The following ZNF423 variants were observed in gnomAD, a reference collection of about 807,000 sequenced individuals.
The protein encoded by ZNF423 is Ebf-associated zinc finger protein.
In ZNF423, 12 loss-of-function variants were observed where a neutral mutation model predicts 95.8. The observed-to-expected ratio is 0.13, with a 90% confidence interval of 0.08 to 0.20. The LOEUF is 0.20. ZNF423 is among the 10% of genes least tolerant of loss of function. ZNF423 has a pLI of 1.00. For synonymous variants in ZNF423, 749 were observed against 711.9 expected (o/e 1.05, Z -0.83); for missense variants, 1,316 against 1,737.1 (o/e 0.76, Z 4.31).
At chr16:49,598,589 C>A (rs1296224017) in intron 5 of ZNF423, among the ~76,000 whole-genome samples, 11 of 152,206 alleles carry the variant, frequency 7.2e-5, no homozygotes, top group Admixed American at 6.5e-4. Flanking sequence ...AGCACGCGCA[C>A]TGGGGACAAA....
intron 3 of ZNF423, among the ~76,000 whole-genome samples, chr16:49,682,595 GAGT>G (rs1013816747): frequency 3.3e-5 from 5 of 152,192 alleles, no homozygotes; most frequent in Admixed American, 2.6e-4. Flanking sequence ...ATGCCGCCCC[GAGT>G]ATGACAGGAG....
chr16:49,502,862 C>T (rs1322143025), intron 7 of ZNF423, among the ~76,000 whole-genome samples: 1 of 140,986 alleles, frequency 7.1e-6, no homozygotes, highest in Non-Finnish European at 1.5e-5. Flanking sequence ...CGGATACCCC[C>T]CAATCCCATG....
chr16:49,736,698 A>T (rs954510665), intron 2 of ZNF423, among the ~76,000 whole-genome samples: 4 of 152,158 alleles, frequency 2.6e-5, no homozygotes, highest in African/African-American at 9.7e-5. Flanking sequence ...GAGAGGCTGA[A>T]GCAGGAGGAT....
chr16:49,809,695 G>T (rs67286823), intron 1 of ZNF423, among the ~76,000 whole-genome samples: 1 of 152,158 alleles, frequency 6.6e-6, no homozygotes, highest in African/African-American at 2.4e-5. Context: ...GGGGACCCCC[G>T]GGTGGGTTAG....
intron 5 of ZNF423, among the ~76,000 whole-genome samples, chr16:49,538,418 C>T (rs893930486): frequency 1.3e-5 from 2 of 152,200 alleles, no homozygotes; most frequent in East Asian, 1.9e-4. Flanking sequence ...AGACACCTGG[C>T]AATTCACCCT....
chr16:49,550,166 C>A (rs944032176), intron 5 of ZNF423, among the ~76,000 whole-genome samples: 14 of 152,186 alleles, frequency 9.2e-5, no homozygotes, highest in Non-Finnish European at 2.1e-4. Flanking sequence ...CTGAGCCCAG[C>A]CTCAAATTGT....
At position 49,558,925 on chromosome 16, in the gene ZNF423, T is replaced by C. The variant is rs112179327; in HGVS notation, c.3602-33431A>G. Among the ~76,000 whole-genome samples the C allele has an allele frequency of 1.5e-3, 228 of 152,252 alleles. 2 individuals carry two copies. Among genetic ancestry groups the C allele is most frequent in the African/African-American group, 5.2e-3 (217 of 41,558 alleles). ...GGTCCCACCTGGAGGGGCCCAGCAA[T>C]GACATCAGAACCACTCAGTAAGGGG... On this transcript the variant is annotated intron_variant, in intron 5 of 7. Transcript: ENST00000563137.
At chr16:49,720,161 T>A (rs1238732418) in intron 3 of ZNF423, among the ~76,000 whole-genome samples, 2 of 151,852 alleles carry the variant, frequency 1.3e-5, no homozygotes, top group Non-Finnish European at 2.9e-5. Context: ...ACACCCAAGG[T>A]GGGGGCACAA....
chr16:49,612,942 A>G (rs1257594696), intron 5 of ZNF423, among the ~76,000 whole-genome samples: 1 of 152,126 alleles, frequency 6.6e-6, no homozygotes, highest in East Asian at 1.9e-4. Context: ...AAAAATTAAA[A>G]TAATTAGATA....
chr16:49,547,663 C>T (rs779390259), intron 5 of ZNF423, among the ~76,000 whole-genome samples: 5 of 152,194 alleles, frequency 3.3e-5, no homozygotes, highest in South Asian at 2.1e-4. Context: ...GAGGGTGGCA[C>T]GCTCCTTCCA....
At chr16:49,565,415 C>T (rs1970157358) in intron 5 of ZNF423, among the ~76,000 whole-genome samples, 1 of 152,222 alleles carries the variant, frequency 6.6e-6, no homozygotes, top group Admixed American at 6.5e-5. Flanking sequence ...CAAAAGGCTT[C>T]TTCAAAAGCT....
chr16:49,697,377 C>G (rs575487660), intron 3 of ZNF423, among the ~76,000 whole-genome samples: 1 of 152,130 alleles, frequency 6.6e-6, no homozygotes, highest in Non-Finnish European at 1.5e-5. Context: ...TGGCTTATCA[C>G]ATCACCTTCT....
Position 49,603,454 on chromosome 16 carries a change from G to A in ZNF423, c.3601+22716C>T, listed in dbSNP as rs926268950. ...GACGAAGTCTCACTCTTGTCCCCCCGGCTGGAGTGCAGTGGTGTGATCTCA... is the reference window on the plus strand; with the variant it reads ...GACGAAGTCTCACTCTTGTCCCCCCAGCTGGAGTGCAGTGGTGTGATCTCA... On this transcript the variant is annotated intron_variant, in intron 5 of 7. Coordinates refer to ENST00000563137, the MANE Select transcript of ZNF423 (RefSeq NM_001379286.1). This position sits in a 1 kb window ranked among gnomAD's most constrained non-coding sequence, Gnocchi z 4.1. 6.6e-6 allele frequency among the ~76,000 whole-genome samples: 1 copy of A among 152,006 alleles called. No homozygotes were observed. Among genetic ancestry groups the A allele is most frequent in the Non-Finnish European group, 1.5e-5 (1 of 68,004 alleles).
chr16:49,616,522 A>G (rs1424590607), intron 5 of ZNF423, among the ~76,000 whole-genome samples: 1 of 152,172 alleles, frequency 6.6e-6, no homozygotes, highest in Non-Finnish European at 1.5e-5. Flanking sequence ...GCTTCAGGTG[A>G]TAGATACCCC....
chr16:49,599,564 G>T (rs1361037581), intron 5 of ZNF423, among the ~76,000 whole-genome samples: 2 of 152,168 alleles, frequency 1.3e-5, no homozygotes, highest in African/African-American at 4.8e-5. Context: ...ACACAGATGG[G>T]CTTAGCAGCA....
intron 2 of ZNF423, among the ~76,000 whole-genome samples, chr16:49,768,315 A>G (rs1468373171): frequency 6.6e-6 from 1 of 151,904 alleles, no homozygotes; most frequent in Non-Finnish European, 1.5e-5. Context: ...GTGAGCCCCA[A>G]CTCTTCTCGG....
intron 5 of ZNF423, among the ~76,000 whole-genome samples, chr16:49,559,458 T>A (rs977535814): frequency 3.9e-5 from 6 of 152,182 alleles, no homozygotes; most frequent in Non-Finnish European, 7.3e-5. Context: ...TCTCCATCCA[T>A]CCCTGATGAA....
chr16:49,647,123 C>T (rs1386472366), intron 3 of ZNF423, among the ~76,000 whole-genome samples: 1 of 152,220 alleles, frequency 6.6e-6, no homozygotes, highest in African/African-American at 2.4e-5. Context: ...CCTGCTGGAC[C>T]TGCTCCCTCT....
intron 1 of ZNF423, among the ~76,000 whole-genome samples, chr16:49,824,456 C>G (rs1567361069): frequency 6.6e-6 from 1 of 152,196 alleles, no homozygotes; most frequent in Middle Eastern, 3.4e-3. Flanking sequence ...ATGCCAATAC[C>G]AAGTTGGGGG....
Sources: allele counts gnomAD v4.1 joint callset (sites outside exome capture counted in the v4.1 genomes callset), GRCh38; gene constraint gnomAD v4.1.1; non-coding constraint Gnocchi (gnomAD v3.1); transcripts MANE v1.5; gene names NCBI Gene and HGNC (gene_info 2026-07-23, HGNC 2026-07-21).